The following PROM1 variants were observed in gnomAD, a reference collection of about 807,000 sequenced individuals.
PROM1 encodes prominin-1.
In PROM1, 105 loss-of-function variants were observed where a neutral mutation model predicts 116.9. That is an observed-to-expected ratio of 0.90 (90% CI 0.77 to 1.06). PROM1 has a LOEUF of 1.06. Among genes scored for constraint, PROM1 ranks in the 50% least tolerant of loss-of-function variants. The pLI is 0.00. For missense variants in PROM1, 1,122 were observed against 1,045.2 expected (o/e 1.07, Z -1.01); for synonymous variants, 393 against 387.0 (o/e 1.02, Z -0.18).
In PROM1 at chr4:16,009,099, C is replaced by G. The variant is rs200907523; in HGVS notation, c.1151G>C (p.Arg384Thr). The G allele has an allele frequency of 4.4e-5, 71 of 1,612,164 alleles. No individual in the cohort carries two copies. In the African/African-American group the frequency reaches 7.7e-4, roughly 18 times the overall value. ...QTTTVVAGIK[R>T]VLNSIGSDID... is the part of the protein sequence containing the mutation. ...ATCTGAACCAATGGAATTCAAGACC[C>G]TTTTGATACCTGAAAACAAAGATAC... Residue 384 changes from arginine to threonine, a missense_variant, in exon 12 of 28, where the codon AGG (arginine) becomes ACG (threonine). By Grantham distance (71) the Arg-to-Thr change is moderately conservative. Coordinates refer to ENST00000447510, the MANE Select transcript of PROM1 (RefSeq NM_006017.3).
At chr4:15,992,906 G>A (rs113852579) in intron 16 of PROM1, among the ~76,000 whole-genome samples, 1 of 152,202 alleles carries the variant, frequency 6.6e-6, no homozygotes, top group Non-Finnish European at 1.5e-5. Flanking sequence ...AAAGATTATG[G>A]AAACACGGTT....
chr4:16,062,092 C>A (rs796498809), intron 2 of PROM1, among the ~76,000 whole-genome samples: 12 of 151,948 alleles, frequency 7.9e-5, no homozygotes, highest in African/African-American at 2.9e-4. Flanking sequence ...CGGGGTTTCA[C>A]CGTGTTGGCC....
At chr4:15,982,530 G>A (rs909588672) in intron 23 of PROM1, among the ~76,000 whole-genome samples, 3 of 152,162 alleles carry the variant, frequency 2.0e-5, no homozygotes, top group African/African-American at 4.8e-5. Context: ...TTGACTAAAT[G>A]GATGCCCAGA....
At chr4:16,077,413 A>C (rs1406239893) in intron 1 of PROM1, among the ~76,000 whole-genome samples, 1 of 152,112 alleles carries the variant, frequency 6.6e-6, no homozygotes, top group Non-Finnish European at 1.5e-5. Context: ...TTATCCTGTG[A>C]CCCTGCCACA....
At chr4:16,069,493 C>A (rs1240655945) in intron 2 of PROM1, among the ~76,000 whole-genome samples, 2 of 152,164 alleles carry the variant, frequency 1.3e-5, no homozygotes, top group Non-Finnish European at 2.9e-5. Context: ...AACCCATGGT[C>A]ATTTTAAAAG....
At chr4:16,051,630 T>G (rs1220617179) in intron 2 of PROM1, among the ~76,000 whole-genome samples, 1 of 152,190 alleles carries the variant, frequency 6.6e-6, no homozygotes, top group Non-Finnish European at 1.5e-5. Flanking sequence ...GGATGTGCTT[T>G]GTGAGTTCAG....
intron 3 of PROM1, among the ~76,000 whole-genome samples, chr4:16,036,584 C>T (rs1160157146): frequency 6.6e-6 from 1 of 152,196 alleles, no homozygotes; most frequent in African/African-American, 2.4e-5. Flanking sequence ...CACAAAGAAG[C>T]ACCTCACAGT....
At chr4:16,003,411 C>CTATATA (rs1159106547) in intron 13 of PROM1, 2 of 456,604 alleles carry the variant, frequency 4.4e-6, no homozygotes, top group African/African-American at 4.0e-5. Flanking sequence ...ACAGCCCTTG[C>CTATATA]TATATAGCCT....
At chr4:15,980,346 C>A in intron 24 of PROM1, 76 bp downstream of exon 24, 3 of 902,558 alleles carry the variant, frequency 3.3e-6, no homozygotes, top group Admixed American at 4.8e-5. Flanking sequence ...CTCATCAGAA[C>A]TCATCTTTAG....
chr4:16,073,476 G>A (rs902929595), intron 2 of PROM1, among the ~76,000 whole-genome samples: 2 of 152,112 alleles, frequency 1.3e-5, no homozygotes, highest in African/African-American at 4.8e-5. Context: ...CACCCAGTGG[G>A]CACTTTAAGA....
At chr4:16,043,534 C>T (rs542904015) in intron 2 of PROM1, among the ~76,000 whole-genome samples, 1 of 152,302 alleles carries the variant, frequency 6.6e-6, no homozygotes, top group South Asian at 2.1e-4. Flanking sequence ...CTGGAAAGGA[C>T]GTTGGTCTGG....
chr4:16,036,077 C>T lies in PROM1; in HGVS notation c.277-316G>A, dbSNP rs117334429. 7.3e-3 allele frequency among the ~76,000 whole-genome samples: 1,107 copies of T among 152,302 alleles called. 30 individuals carry two copies. Among genetic ancestry groups the T allele is most frequent in the East Asian group, 0.033 (171 of 5,186 alleles). On this transcript the variant is annotated intron_variant, in intron 3 of 27. Transcript: ENST00000447510. ...GGGGAAGTTACAAATGCTTAACACACTAACCATGTGATCTTCATAAAATAG... is the reference window on the plus strand; with the variant it reads ...GGGGAAGTTACAAATGCTTAACACATTAACCATGTGATCTTCATAAAATAG...
At chr4:16,003,093 G>T (rs1242511869) in intron 13 of PROM1, among the ~76,000 whole-genome samples, 1 of 152,162 alleles carries the variant, frequency 6.6e-6, no homozygotes, top group Admixed American at 6.5e-5. Flanking sequence ...GCACAGTTAG[G>T]ATAATACATG....
chr4:16,020,405 C>T (rs925716952), intron 8 of PROM1, among the ~76,000 whole-genome samples: 9 of 152,072 alleles, frequency 5.9e-5, no homozygotes, highest in African/African-American at 1.4e-4. Flanking sequence ...CCAGTATTGT[C>T]GGTGAAGCAT....
intron 13 of PROM1, 81 bp downstream of exon 13, chr4:16,006,457 G>A (rs757392190): frequency 2.2e-5 from 32 of 1,448,528 alleles, no homozygotes; most frequent in Non-Finnish European, 2.7e-5. Context: ...GAGGGCGCCG[G>A]GTTCATGTAA....
In PROM1 at chr4:16,055,576, G is replaced by A. The variant is rs1353461706; in HGVS notation, c.221-16575C>T. 18 of 338,930 alleles carry A rather than the reference G, an allele frequency of 5.3e-5. No homozygotes were observed. The East Asian group carries it at 9.0e-4, about 17-fold the overall frequency. 21.0% of individuals were successfully genotyped at this position (338,930 alleles called of 1,614,324 possible). Reference sequence around the variant, plus strand: ...TAAACAGCCTAGGGAAAGGGTTTTCGTCTGAAGAGAGGCTGTCACGGAATC... The same window carrying A: ...TAAACAGCCTAGGGAAAGGGTTTTCATCTGAAGAGAGGCTGTCACGGAATC... On this transcript the variant is annotated intron_variant, in intron 2 of 27. Transcript: ENST00000447510.
intron 3 of PROM1, among the ~76,000 whole-genome samples, chr4:16,036,563 AG>A (rs1455764013): frequency 1.3e-5 from 2 of 152,208 alleles, no homozygotes; most frequent in African/African-American, 4.8e-5. Context: ...CAAGCTCCCA[AG>A]CTCACCAGAC....
chr4:16,015,345 C>CAAAAAA lies in PROM1; in HGVS notation c.1077+815_1077+820dup, dbSNP rs71649934. On this transcript the variant is annotated intron_variant, in intron 10 of 27. Coordinates refer to ENST00000447510, the MANE Select transcript of PROM1 (RefSeq NM_006017.3). ...TGGGCAACAGCGCAAGACTCCATCT[C>CAAAAAA]AAAAAAAAAAAAAAAAAAAAAGAAG... 1.3e-3 allele frequency among the ~76,000 whole-genome samples: 66 copies of CAAAAAA among 51,394 alleles called. 1 individual carries two copies. The highest frequency in any genetic ancestry group is 1.6e-3 in the Non-Finnish European group (50 of 30,518). 33.7% of individuals were successfully genotyped at this position (51,394 alleles called of 152,430 possible).
At chr4:16,073,684 T>C (rs185906995) in intron 2 of PROM1, among the ~76,000 whole-genome samples, 5 of 152,330 alleles carry the variant, frequency 3.3e-5, no homozygotes, top group Admixed American at 6.5e-5. Context: ...GTAATAAGTA[T>C]TGATGAAGGT....
Sources: allele counts gnomAD v4.1 joint callset (sites outside exome capture counted in the v4.1 genomes callset), GRCh38; gene constraint gnomAD v4.1.1; transcripts MANE v1.5; gene names NCBI Gene and HGNC (gene_info 2026-07-23, HGNC 2026-07-21).